GRID2: variants seen among roughly 807,000 people sequenced by gnomAD.
The protein encoded by GRID2 is glutamate ionotropic receptor delta type subunit 2, also known as glutamate receptor ionotropic, delta-2.
A neutral mutation model predicts 114.8 loss-of-function variants in GRID2; 33 were observed. The ratio of observed to expected loss-of-function variants is 0.29; its 90% CI spans 0.22 to 0.38. The LOEUF is 0.38. Among genes scored for constraint, GRID2 ranks in the 10% least tolerant of loss-of-function variants. GRID2 has a pLI of 1.00. For missense variants in GRID2, 1,184 were observed against 1,257.7 expected, an observed-to-expected ratio of 0.94 and a Z score of 0.89; for synonymous variants, 505 against 449.9, an observed-to-expected ratio of 1.12 and a Z score of -1.55.
At chr4:92,944,119 G>T (rs1011016430) in intron 2 of GRID2, among the ~76,000 whole-genome samples, 12 of 152,182 alleles carry the variant, frequency 7.9e-5, no homozygotes, top group Admixed American at 1.3e-4. Context: ...TGTCAGACAG[G>T]TACATTTAAG....
intron 13 of GRID2, among the ~76,000 whole-genome samples, chr4:93,572,492 CCT>C (rs1736020395): frequency 6.6e-6 from 1 of 151,696 alleles, no homozygotes; most frequent in African/African-American, 2.4e-5. Flanking sequence ...ATAATTTTGT[CCT>C]CTCTTCTCCA....
intron 1 of GRID2, among the ~76,000 whole-genome samples, chr4:92,306,596 C>CT (rs1356052917): frequency 1.3e-5 from 2 of 152,100 alleles, no homozygotes; most frequent in South Asian, 2.1e-4. Flanking sequence ...TGGAAGAATG[C>CT]TTTTTTTAAA....
intron 14 of GRID2, among the ~76,000 whole-genome samples, chr4:93,686,760 C>T (rs1212557078): frequency 6.6e-6 from 1 of 151,878 alleles, no homozygotes; most frequent in African/African-American, 2.4e-5. Context: ...GGTGGGAGGA[C>T]ACCTAGTTGC....
chr4:92,659,257 T>A (rs2149267852), intron 2 of GRID2, among the ~76,000 whole-genome samples: 1 of 151,810 alleles, frequency 6.6e-6, no homozygotes, highest in African/African-American at 2.4e-5. Flanking sequence ...ATTTAGTTAT[T>A]GCCATTTACA....
intron 14 of GRID2, among the ~76,000 whole-genome samples, chr4:93,694,248 C>A (rs1204874051): frequency 1.3e-5 from 2 of 152,148 alleles, no homozygotes; most frequent in Non-Finnish European, 2.9e-5. Context: ...GGCTCCTCCC[C>A]ACTTAACTCT....
At chr4:92,859,391 A>C (rs1443854149) in intron 2 of GRID2, among the ~76,000 whole-genome samples, 1 of 152,198 alleles carries the variant, frequency 6.6e-6, no homozygotes, top group African/African-American at 2.4e-5. Context: ...AAACCAAAAA[A>C]TTCATGTAAT....
chr4:93,124,399 A>G (rs541248726), intron 4 of GRID2, among the ~76,000 whole-genome samples: 1 of 152,342 alleles, frequency 6.6e-6, no homozygotes, highest in East Asian at 1.9e-4. Context: ...TAAATTAGCA[A>G]TTTATATGCT....
intron 10 of GRID2, among the ~76,000 whole-genome samples, chr4:93,425,313 G>C (rs113612551): frequency 0.017 from 2,662 of 152,242 alleles, 42 homozygotes; most frequent in South Asian, 0.051. Context: ...ATCACTATCT[G>C]TTCTCTTGAA....
chr4:93,631,408 TC>T (rs1171194321), intron 14 of GRID2, among the ~76,000 whole-genome samples: 2 of 152,148 alleles, frequency 1.3e-5, no homozygotes, highest in African/African-American at 4.8e-5. Flanking sequence ...ATGCTCCCCT[TC>T]CCGTGTCCAA....
intron 2 of GRID2, among the ~76,000 whole-genome samples, chr4:92,645,697 C>T (rs1731578324): frequency 1.3e-5 from 2 of 151,734 alleles, no homozygotes; most frequent in Non-Finnish European, 2.9e-5. Flanking sequence ...TGATTTTTAT[C>T]ACCATGGACT....
At chr4:93,370,555 T>TG (rs746554836) in intron 8 of GRID2, among the ~76,000 whole-genome samples, 405 of 152,168 alleles carry the variant, frequency 2.7e-3, no homozygotes, top group Non-Finnish European at 4.6e-3. Context: ...GTTCACTGTT[T>TG]CTTGAAAATA....
intron 1 of GRID2, among the ~76,000 whole-genome samples, chr4:92,327,779 A>C (rs1297421517): frequency 3.3e-5 from 5 of 151,996 alleles, no homozygotes; most frequent in Non-Finnish European, 1.5e-5. Flanking sequence ...AAGACATTTC[A>C]ACATTGTTTC....
intron 2 of GRID2, among the ~76,000 whole-genome samples, chr4:92,636,683 T>C (rs373946759): frequency 2.6e-5 from 4 of 152,130 alleles, no homozygotes; most frequent in African/African-American, 9.6e-5. Context: ...GTTGCATTAT[T>C]GGTTGATAAT....
chr4:93,565,897 G>A (rs888489927), intron 13 of GRID2, among the ~76,000 whole-genome samples: 1 of 152,082 alleles, frequency 6.6e-6, no homozygotes, highest in African/African-American at 2.4e-5. Context: ...GCCCTTTTTA[G>A]AACTGATAGT....
chr4:93,523,885 C>G (rs1356874941), intron 13 of GRID2, among the ~76,000 whole-genome samples: 1 of 152,122 alleles, frequency 6.6e-6, no homozygotes, highest in African/African-American at 2.4e-5. Flanking sequence ...GAGTAGAAAA[C>G]AGATTTCAGC....
intron 1 of GRID2, among the ~76,000 whole-genome samples, chr4:92,521,417 T>G (rs1579510247): frequency 6.6e-6 from 1 of 152,076 alleles, no homozygotes; most frequent in Admixed American, 6.6e-5. Flanking sequence ...GACAATTTAT[T>G]TAAAAGATTT....
At chr4:92,954,407 T>C (rs1295889751) in intron 2 of GRID2, among the ~76,000 whole-genome samples, 1 of 151,316 alleles carries the variant, frequency 6.6e-6, no homozygotes, top group Non-Finnish European at 1.5e-5. Context: ...TAACACTGTT[T>C]CTGCAGTTTT....
intron 11 of GRID2, among the ~76,000 whole-genome samples, chr4:93,463,801 A>T (rs939995570): frequency 6.6e-6 from 1 of 152,050 alleles, no homozygotes; most frequent in Non-Finnish European, 1.5e-5. Context: ...CATCCTGGCT[A>T]ACATGGTGAA....
At chr4:92,798,259 G>A (rs111753568) in intron 2 of GRID2, among the ~76,000 whole-genome samples, 153 of 152,004 alleles carry the variant, frequency 1.0e-3, no homozygotes, top group African/African-American at 3.7e-3. Flanking sequence ...TCTAATAACT[G>A]TATTTTAATT....
Sources: gnomAD v4.1 joint callset for allele counts (sites outside exome capture counted in the v4.1 genomes callset) on GRCh38, gnomAD v4.1.1 for gene constraint, MANE v1.5 for transcripts, NCBI Gene and HGNC (gene_info 2026-07-23, HGNC 2026-07-21) for gene names.